Variants in TRPM3 observed in about 807,000 individuals in gnomAD.
TRPM3 encodes transient receptor potential cation channel subfamily M member 3.
In TRPM3, 77 loss-of-function variants were observed where a neutral mutation model predicts 181.2. That is an observed-to-expected ratio of 0.42 (90% CI 0.35 to 0.51). TRPM3 has a LOEUF of 0.51. Among genes scored for constraint, TRPM3 ranks in the 20% least tolerant of loss-of-function variants. The probability of loss-of-function intolerance (pLI) is 0.01; values close to 1 mark genes in which losing one functional copy is unlikely to be tolerated. For synonymous variants in TRPM3, 745 were observed against 796.4 expected (o/e 0.94, Z 1.09); for missense variants, 1,759 against 2,196.7 (o/e 0.80, Z 3.98).
chr9:71,239,072 GA>G (rs570660302), intron 1 of TRPM3, among the ~76,000 whole-genome samples: 2 of 150,746 alleles, frequency 1.3e-5, no homozygotes, highest in South Asian at 2.1e-4. Context: ...CTTGAAGAAG[GA>G]AAAAAACAAA....
At chr9:70,884,016 A>G (rs757545297) in intron 1 of TRPM3, among the ~76,000 whole-genome samples, 1 of 151,956 alleles carries the variant, frequency 6.6e-6, no homozygotes, top group South Asian at 2.1e-4. Context: ...TAGCTCCGAC[A>G]TGTGTGGGTC....
At chr9:71,032,072 T>TAATA (rs373512981) in intron 1 of TRPM3, among the ~76,000 whole-genome samples, 2 of 9,772 alleles carry the variant, frequency 2.0e-4, no homozygotes, top group Non-Finnish European at 2.7e-4. Flanking sequence ...ATATATTATA[T>TAATA]TATATTATAT....
chr9:71,310,437 C>A (rs2087812084), intron 1 of TRPM3, among the ~76,000 whole-genome samples: 1 of 151,988 alleles, frequency 6.6e-6, no homozygotes, highest in Admixed American at 6.6e-5. Flanking sequence ...GAGATCTAGG[C>A]AACATCTGTG....
At chr9:70,633,703 C>T (rs1188034442) in intron 12 of TRPM3, among the ~76,000 whole-genome samples, 1 of 152,198 alleles carries the variant, frequency 6.6e-6, no homozygotes, top group Admixed American at 6.5e-5. Context: ...TTTGCTTGGC[C>T]TTTCAAAGGA....
chr9:71,118,628 G>C (rs1172051248), intron 1 of TRPM3, among the ~76,000 whole-genome samples: 1 of 152,124 alleles, frequency 6.6e-6, no homozygotes, highest in African/African-American at 2.4e-5. Context: ...TGACAGGTAG[G>C]GGCACTGAGA....
chr9:70,911,533 G>A (rs1247500218), intron 1 of TRPM3, among the ~76,000 whole-genome samples: 2 of 152,026 alleles, frequency 1.3e-5, no homozygotes, highest in Non-Finnish European at 2.9e-5. Flanking sequence ...TGCTTCAATG[G>A]CATCTTTAAT....
chr9:71,008,139 G>GCT (rs1348908708), intron 1 of TRPM3, among the ~76,000 whole-genome samples: 2 of 151,852 alleles, frequency 1.3e-5, no homozygotes, highest in African/African-American at 2.4e-5. Flanking sequence ...ATTATGAAGA[G>GCT]CTATACACCA....
At chr9:70,687,734 A>T (rs1026460418) in intron 8 of TRPM3, among the ~76,000 whole-genome samples, 31 of 152,254 alleles carry the variant, frequency 2.0e-4, no homozygotes, top group Non-Finnish European at 7.4e-5. Context: ...TTTCCTGTGT[A>T]TGTGCTTGCT....
intron 9 of TRPM3, among the ~76,000 whole-genome samples, chr9:70,646,030 A>G (rs4319166): frequency 6.6e-6 from 1 of 152,156 alleles, no homozygotes; most frequent in South Asian, 2.1e-4. Flanking sequence ...CAATGAGATA[A>G]CAACTCACGC....
intron 25 of TRPM3, among the ~76,000 whole-genome samples, chr9:70,541,987 G>A (rs1335594529): frequency 1.3e-5 from 2 of 152,164 alleles, no homozygotes; most frequent in Non-Finnish European, 2.9e-5. Flanking sequence ...TGGGTGTGCT[G>A]GTACATGTCT....
chr9:70,594,274 T>C (rs2058627950), intron 21 of TRPM3, among the ~76,000 whole-genome samples: 2 of 152,156 alleles, frequency 1.3e-5, no homozygotes, highest in African/African-American at 2.4e-5. Flanking sequence ...TGGTAAGTTC[T>C]CCATAAATGT....
chr9:71,178,126 C>T (rs568242424), intron 1 of TRPM3, among the ~76,000 whole-genome samples: 6 of 151,828 alleles, frequency 4.0e-5, no homozygotes, highest in East Asian at 3.9e-4. Flanking sequence ...ACCTATAAAC[C>T]GTCACAATGG....
chr9:71,255,064 A>AT, intron 1 of TRPM3, among the ~76,000 whole-genome samples: 1 of 152,274 alleles, frequency 6.6e-6, no homozygotes, highest in South Asian at 2.1e-4. Flanking sequence ...TTAGCCACAA[A>AT]GGGATTTTGC....
intron 1 of TRPM3, among the ~76,000 whole-genome samples, chr9:70,973,905 T>A (rs934406081): frequency 6.6e-6 from 1 of 152,236 alleles, no homozygotes; most frequent in Non-Finnish European, 1.5e-5. Context: ...ACAGAGGGTA[T>A]TCTAAAGCAA....
At chr9:71,443,149 C>A (rs2094156138) in intron 1 of TRPM3, among the ~76,000 whole-genome samples, 1 of 152,072 alleles carries the variant, frequency 6.6e-6, no homozygotes, top group African/African-American at 2.4e-5. Flanking sequence ...CAGAAAGGAA[C>A]AATTTCCAAG....
intron 1 of TRPM3, among the ~76,000 whole-genome samples, chr9:70,870,608 A>G (rs1420794522): frequency 6.6e-6 from 1 of 152,054 alleles, no homozygotes; most frequent in Non-Finnish European, 1.5e-5. Flanking sequence ...ATACAGAAAA[A>G]GTGGAAACAA....
At chr9:70,975,285 A>T (rs986998631) in intron 1 of TRPM3, among the ~76,000 whole-genome samples, 3 of 152,186 alleles carry the variant, frequency 2.0e-5, no homozygotes, top group Non-Finnish European at 4.4e-5. Flanking sequence ...AGAGTAAAAA[A>T]ATAAAAGGCT....
intron 1 of TRPM3, among the ~76,000 whole-genome samples, chr9:70,957,053 C>T (rs892221123): frequency 5.0e-4 from 75 of 149,280 alleles, no homozygotes; most frequent in African/African-American, 1.8e-3. Flanking sequence ...CTCTGCTTCT[C>T]AGGTTCAAGT....
At position 70,536,416 on chromosome 9, in the gene TRPM3, C is replaced by A; in HGVS notation, c.4697G>T (p.Arg1566Met). The A allele has an allele frequency of 6.2e-7, 1 of 1,614,120 alleles. No homozygotes were observed. The highest frequency in any genetic ancestry group is 8.5e-7 in the Non-Finnish European group (1 of 1,180,018). The change falls in exon 26 of 26, where the codon AGG (arginine) becomes ATG (methionine). Residue 1566 changes from arginine to methionine, a missense_variant. Arg to Met is a moderately conservative substitution (Grantham distance 91, BLOSUM62 -1). Coordinates refer to ENST00000677713, the MANE Select transcript of TRPM3 (RefSeq NM_001366145.2). Reference protein sequence around the residue: ...YTSITDCIDTRCVNAPQAIAD... With the variant: ...YTSITDCIDTMCVNAPQAIAD... ...AATTGCTTGAGGGGCATTGACACACCTTGTGTCAATACAGTCTGTAATACT... is the reference window on the plus strand; with the variant it reads ...AATTGCTTGAGGGGCATTGACACACATTGTGTCAATACAGTCTGTAATACT...
Sources: gnomAD v4.1 joint callset for allele counts (sites outside exome capture counted in the v4.1 genomes callset) on GRCh38, gnomAD v4.1.1 for gene constraint, MANE v1.5 for transcripts, NCBI Gene and HGNC (gene_info 2026-07-23, HGNC 2026-07-21) for gene names.